The following AUTS2 variants were observed in gnomAD, a reference collection of about 807,000 sequenced individuals.
The protein encoded by AUTS2 is activator of transcription and developmental regulator AUTS2.
A neutral mutation model predicts 112.4 loss-of-function variants in AUTS2; 17 were observed. That is an observed-to-expected ratio of 0.15 (90% CI 0.10 to 0.23). The LOEUF (loss-of-function observed/expected upper bound fraction) is 0.23. Ranked by LOEUF, AUTS2 falls within the 10% of genes least tolerant of loss-of-function variation. The pLI is 1.00. For synonymous variants in AUTS2, 751 were observed against 702.7 expected, an observed-to-expected ratio of 1.07 and a Z score of -1.09; for missense variants, 1,510 against 1,701.6, an observed-to-expected ratio of 0.89 and a Z score of 1.98.
intron 1 of AUTS2, among the ~76,000 whole-genome samples, chr7:69,839,409 T>C (rs920803509): frequency 3.3e-5 from 5 of 152,150 alleles, no homozygotes; most frequent in African/African-American, 1.2e-4. Flanking sequence ...TGGAGTTTTT[T>C]GAATCACTTT....
chr7:70,320,720 G>C (rs951851584), intron 4 of AUTS2, among the ~76,000 whole-genome samples: 1 of 152,218 alleles, frequency 6.6e-6, no homozygotes, highest in Non-Finnish European at 1.5e-5. Flanking sequence ...AGAAATGGTG[G>C]ATGTTGACCA....
chr7:70,471,684 G>A (rs888938264), intron 5 of AUTS2, among the ~76,000 whole-genome samples: 3 of 152,142 alleles, frequency 2.0e-5, no homozygotes, highest in Admixed American at 2.0e-4. Context: ...TGTGTGAGAT[G>A]ATGTGCTATA....
intron 4 of AUTS2, among the ~76,000 whole-genome samples, chr7:70,206,656 G>GT (rs1215092352): frequency 1.3e-5 from 2 of 152,166 alleles, no homozygotes; most frequent in Admixed American, 1.3e-4. Context: ...CAACTGCCAT[G>GT]TATTGGCAGT....
chr7:70,214,186 G>A (rs1811059470), intron 4 of AUTS2, among the ~76,000 whole-genome samples: 1 of 152,092 alleles, frequency 6.6e-6, no homozygotes, highest in African/African-American at 2.4e-5. Context: ...CCAAACTGGT[G>A]GCTTAATTAG....
chr7:70,126,889 C>A (rs1371220587), intron 3 of AUTS2, among the ~76,000 whole-genome samples: 1 of 152,052 alleles, frequency 6.6e-6, no homozygotes, highest in African/African-American at 2.4e-5. Context: ...TGCAATGGTG[C>A]GATCTCGGCT....
intron 1 of AUTS2, among the ~76,000 whole-genome samples, chr7:69,724,097 A>T (rs1296934813): frequency 6.6e-6 from 1 of 152,176 alleles, no homozygotes; most frequent in African/African-American, 2.4e-5. Flanking sequence ...GTGGGGGGAA[A>T]AAAATCACCG....
At chr7:70,646,014 G>A (rs1563098895) in intron 5 of AUTS2, among the ~76,000 whole-genome samples, 1 of 152,130 alleles carries the variant, frequency 6.6e-6, no homozygotes, top group Non-Finnish European at 1.5e-5. Flanking sequence ...ATGCTTTAGC[G>A]AGGCGATAAT....
chr7:70,159,643 T>C (rs896273732), intron 4 of AUTS2, among the ~76,000 whole-genome samples: 2 of 152,114 alleles, frequency 1.3e-5, no homozygotes, highest in Non-Finnish European at 2.9e-5. Context: ...ATGCTGGGGG[T>C]GTTTAAATAC....
chr7:70,415,013 A>T (rs924053313), intron 4 of AUTS2, among the ~76,000 whole-genome samples: 2 of 152,198 alleles, frequency 1.3e-5, no homozygotes, highest in Admixed American at 1.3e-4. Flanking sequence ...TTATGACAGC[A>T]TATTAACACA....
chr7:70,058,565 T>G (rs1256781538), intron 2 of AUTS2, among the ~76,000 whole-genome samples: 1 of 152,032 alleles, frequency 6.6e-6, no homozygotes, highest in Non-Finnish European at 1.5e-5. Context: ...GGAGAAAAAA[T>G]TGGTAATTTG....
chr7:69,885,245 A>G (rs1281451032), intron 1 of AUTS2, among the ~76,000 whole-genome samples: 2 of 152,226 alleles, frequency 1.3e-5, no homozygotes, highest in African/African-American at 4.8e-5. Flanking sequence ...TCACATAGGC[A>G]GAACATATGG....
At chr7:69,634,601 T>G (rs1353902301) in intron 1 of AUTS2, among the ~76,000 whole-genome samples, 1 of 152,192 alleles carries the variant, frequency 6.6e-6, no homozygotes, top group Non-Finnish European at 1.5e-5. Flanking sequence ...GGACCCGAAC[T>G]GTGAAGAGAT....
intron 1 of AUTS2, among the ~76,000 whole-genome samples, chr7:69,686,732 A>C (rs1797082741): frequency 6.6e-6 from 1 of 152,190 alleles, no homozygotes; most frequent in South Asian, 2.1e-4. Context: ...TTTCTATAGA[A>C]TATAGCTTTT....
intron 1 of AUTS2, among the ~76,000 whole-genome samples, chr7:69,885,969 C>G (rs1794254196): frequency 6.6e-6 from 1 of 152,182 alleles, no homozygotes; most frequent in South Asian, 2.1e-4. Context: ...AGAAGTCTCA[C>G]AGAGATATTT....
At chr7:70,730,860 T>C (rs1787342870) in intron 6 of AUTS2, among the ~76,000 whole-genome samples, 1 of 152,252 alleles carries the variant, frequency 6.6e-6, no homozygotes, top group Non-Finnish European at 1.5e-5. Flanking sequence ...CAGTTTTTCA[T>C]TCCCACCAAC....
chr7:70,656,644 A>G (rs1382728535), intron 5 of AUTS2, among the ~76,000 whole-genome samples: 1 of 152,210 alleles, frequency 6.6e-6, no homozygotes, highest in Admixed American at 6.5e-5. Flanking sequence ...CCAGGATCCT[A>G]CCAGCCTTCA....
rs1482164092 is a variant in AUTS2 at position 70,768,621 on chromosome 7, T to C, written c.1734+553T>C. Among the ~76,000 whole-genome samples, 4 of 152,098 alleles carry C rather than the reference T, an allele frequency of 2.6e-5. No homozygotes were observed. The East Asian group carries it at 7.7e-4, about 29-fold the overall frequency. ...ACTTAATTAAAAGAAACTCCCAAAA[T>C]TGAAATGAGTGATATTTTCTCTTTA... On this transcript the variant is annotated intron_variant, in intron 10 of 18. Coordinates refer to ENST00000342771, the MANE Select transcript of AUTS2 (RefSeq NM_015570.4).
At chr7:69,682,681 G>GT (rs1206290893) in intron 1 of AUTS2, among the ~76,000 whole-genome samples, 4 of 152,232 alleles carry the variant, frequency 2.6e-5, no homozygotes, top group African/African-American at 4.8e-5. Flanking sequence ...GGTAGCAGCA[G>GT]TTGTGCAGTT....
intron 2 of AUTS2, among the ~76,000 whole-genome samples, chr7:69,938,173 A>C (rs1796487514): frequency 6.6e-6 from 1 of 152,190 alleles, no homozygotes; most frequent in Non-Finnish European, 1.5e-5. Flanking sequence ...GGAATGCAAG[A>C]CCTAATTAGT....
Sources: gnomAD v4.1 joint callset for allele counts (sites outside exome capture counted in the v4.1 genomes callset) on GRCh38, gnomAD v4.1.1 for gene constraint, MANE v1.5 for transcripts, NCBI Gene and HGNC (gene_info 2026-07-23, HGNC 2026-07-21) for gene names.